The following HDAC8 variants were observed in gnomAD, a reference collection of about 807,000 sequenced individuals.
HDAC8 encodes histone deacetylase-like 1.
Under a neutral mutation model 32.2 loss-of-function variants are expected in HDAC8, and 1 was observed. The observed-to-expected ratio is 0.03, with a 90% confidence interval of 0.01 to 0.15. The LOEUF (loss-of-function observed/expected upper bound fraction) is 0.15. HDAC8 is among the 10% of genes least tolerant of loss of function. The pLI is 1.00. For synonymous variants in HDAC8, 108 were observed against 113.9 expected, an observed-to-expected ratio of 0.95 and a Z score of 0.33; for missense variants, 117 against 300.0, an observed-to-expected ratio of 0.39 and a Z score of 4.51.
intron 9 of HDAC8, among the ~76,000 whole-genome samples, chrX:72,450,204 G>A (rs782241640): frequency 9.8e-5 from 11 of 112,110 alleles, no homozygotes; most frequent in Admixed American, 3.8e-4. Flanking sequence ...AAATGAAAAA[G>A]TCATAGAGAT....
At chrX:72,384,030 A>G (rs2045350396) in intron 9 of HDAC8, among the ~76,000 whole-genome samples, 1 of 111,442 alleles carries the variant, frequency 9.0e-6, no homozygotes, top group African/African-American at 3.3e-5. Context: ...ATGGAGAAAT[A>G]TAATAACATT....
chrX:72,544,455 T>C (rs190139853), intron 4 of HDAC8, among the ~76,000 whole-genome samples: 8 of 111,515 alleles, frequency 7.2e-5, no homozygotes, highest in African/African-American at 1.3e-4. Flanking sequence ...AGATCGAATA[T>C]TGGGGTAGTG....
At chrX:72,533,663 T>C (rs781927522) in intron 4 of HDAC8, among the ~76,000 whole-genome samples, 1 of 111,939 alleles carries the variant, frequency 8.9e-6, no homozygotes, top group African/African-American at 3.2e-5. Context: ...AAAATAATTA[T>C]ATACCATGAC....
rs1390805264 is a variant in HDAC8 at position 72,545,411 on chromosome X, T to G, written c.437+22478A>C. ...CCAGGCTCTTGCTAAGCTCTTTAAC[T>G]GCAATTATCACATTTAATCCTTATA... is the stretch of plus-strand genomic sequence containing the variant. On this transcript the variant is annotated intron_variant, in intron 4 of 10. Coordinates refer to ENST00000373573, the MANE Select transcript of HDAC8 (RefSeq NM_018486.3). 2.7e-5 allele frequency among the ~76,000 whole-genome samples: 3 copies of G among 112,455 alleles called. No individual in the cohort carries two copies. In the East Asian group the frequency reaches 8.3e-4, roughly 31 times the overall value.
chrX:72,474,678 AAGCTGCGGC>A (rs1555999568), intron 7 of HDAC8: 26 of 1,208,040 alleles, frequency 2.2e-5, no homozygotes, highest in Non-Finnish European at 2.8e-5. Context: ...TGGGGAAGAC[AAGCTGCGGC>A]AGCTGCTTCT....
At chrX:72,497,954 A>G (rs1276103426) in intron 4 of HDAC8, among the ~76,000 whole-genome samples, 1 of 111,157 alleles carries the variant, frequency 9.0e-6, no homozygotes, top group Non-Finnish European at 1.9e-5. Context: ...TGGGCCTGGT[A>G]ATGAACATGC....
intron 9 of HDAC8, among the ~76,000 whole-genome samples, chrX:72,363,824 T>A (rs1172698934): frequency 2.7e-5 from 3 of 112,428 alleles, no homozygotes; most frequent in Non-Finnish European, 5.6e-5. Context: ...TCCACCCGCC[T>A]TGGCCTCCCA....
chrX:72,348,325 G>T (rs2044085226), intron 10 of HDAC8, among the ~76,000 whole-genome samples: 1 of 112,042 alleles, frequency 8.9e-6, no homozygotes, highest in African/African-American at 3.2e-5. Flanking sequence ...GAAATGACCA[G>T]CTTCACTGAG....
intron 8 of HDAC8, among the ~76,000 whole-genome samples, chrX:72,463,084 AC>A (rs782460700): frequency 3.6e-4 from 40 of 111,678 alleles, no homozygotes; most frequent in African/African-American, 1.2e-3. Context: ...AATGGGGTCC[AC>A]TGAAGCTTGG....
chrX:72,461,912 C>A (rs1246867835), intron 9 of HDAC8, 92 bp downstream of exon 9: 1 of 602,726 alleles, frequency 1.7e-6, no homozygotes, highest in Non-Finnish European at 2.8e-6. Context: ...CTCAACAAAA[C>A]GGTATTGAGT....
intron 9 of HDAC8, among the ~76,000 whole-genome samples, chrX:72,419,453 C>A (rs781990524): frequency 1.8e-5 from 2 of 111,596 alleles, no homozygotes; most frequent in East Asian, 5.6e-4. Flanking sequence ...GACATTGTAA[C>A]CTGCAATGCT....
At chrX:72,368,745 G>T (rs1481147021) in intron 9 of HDAC8, among the ~76,000 whole-genome samples, 1 of 112,374 alleles carries the variant, frequency 8.9e-6, no homozygotes, top group Non-Finnish European at 1.9e-5. Flanking sequence ...GCAGCTCTTA[G>T]GAGCAAGAAC....
chrX:72,450,222 G>A (rs1219514391), intron 9 of HDAC8, among the ~76,000 whole-genome samples: 1 of 112,079 alleles, frequency 8.9e-6, no homozygotes, highest in Non-Finnish European at 1.9e-5. Flanking sequence ...GATGAAGAAA[G>A]GTCAGTGATT....
chrX:72,354,276 T>G, intron 9 of HDAC8, among the ~76,000 whole-genome samples: 1 of 112,304 alleles, frequency 8.9e-6, no homozygotes, highest in East Asian at 2.8e-4. Flanking sequence ...AATCAGATGT[T>G]ATTCCCAGGT....
chrX:72,356,807 T>C (rs2044381974), intron 9 of HDAC8, among the ~76,000 whole-genome samples: 1 of 111,776 alleles, frequency 8.9e-6, no homozygotes, highest in African/African-American at 3.3e-5. Context: ...CTTGATTGAA[T>C]GCCTGACCTC....
At chrX:72,429,023 C>CTTTT (rs1156351998) in intron 9 of HDAC8, among the ~76,000 whole-genome samples, 2 of 80,695 alleles carry the variant, frequency 2.5e-5, no homozygotes, top group African/African-American at 4.4e-5. Flanking sequence ...TTCTTTCTTT[C>CTTTT]TTTTTTTTTT....
At chrX:72,376,207 C>G (rs1433124209) in intron 9 of HDAC8, among the ~76,000 whole-genome samples, 1 of 110,993 alleles carries the variant, frequency 9.0e-6, no homozygotes, top group Admixed American at 9.5e-5. Flanking sequence ...CTGTGCCTGG[C>G]TCTTTATACT....
chrX:72,399,073 T>C (rs2045838911), intron 9 of HDAC8, among the ~76,000 whole-genome samples: 1 of 111,796 alleles, frequency 8.9e-6, no homozygotes, highest in Non-Finnish European at 1.9e-5. Context: ...TTTCAAATGT[T>C]CTGTAGATGG....
chrX:72,538,496 T>C (rs1395088885), intron 4 of HDAC8, among the ~76,000 whole-genome samples: 2 of 111,798 alleles, frequency 1.8e-5, no homozygotes, highest in African/African-American at 6.5e-5. Context: ...TTGGTTCTTA[T>C]ATTTAAACAC....
Sources: gnomAD v4.1 joint callset for allele counts (sites outside exome capture counted in the v4.1 genomes callset) on GRCh38, gnomAD v4.1.1 for gene constraint, MANE v1.5 for transcripts, NCBI Gene and HGNC (gene_info 2026-07-23, HGNC 2026-07-21) for gene names.